The following ARID1A variants were observed in gnomAD, a reference collection of about 807,000 sequenced individuals.
ARID1A encodes the protein AT-rich interactive domain-containing protein 1A.
In ARID1A, 20 loss-of-function variants were observed where a neutral mutation model predicts 212.6. The ratio of observed to expected loss-of-function variants is 0.09; its 90% CI spans 0.07 to 0.14. The LOEUF is 0.14. Ranked by LOEUF, ARID1A falls within the 10% of genes least tolerant of loss-of-function variation. The probability of loss-of-function intolerance (pLI) is 1.00; values close to 1 mark genes in which losing one functional copy is unlikely to be tolerated. For missense variants in ARID1A, 2,587 were observed against 3,059.0 expected (o/e 0.85, Z 3.64); for synonymous variants, 1,376 against 1,222.1 (o/e 1.13, Z -2.63).
chr1:26,731,744 C>T (rs2080680381), intron 3 of ARID1A, 140 bp downstream of exon 3: 1 of 918,692 alleles, frequency 1.1e-6, no homozygotes, highest in South Asian at 1.7e-5. Flanking sequence ...AACATGATAA[C>T]TGGATTGATT....
At chr1:26,769,281 T>C (rs1023010903) in intron 11 of ARID1A, 1 of 152,280 alleles carries the variant, frequency 6.6e-6, no homozygotes, top group African/African-American at 2.4e-5. Flanking sequence ...TGCCTGAGCC[T>C]GTCTTCCAGA....
At chr1:26,763,567 C>G (rs2081012297) in intron 8 of ARID1A, among the ~76,000 whole-genome samples, 1 of 152,168 alleles carries the variant, frequency 6.6e-6, no homozygotes, top group Non-Finnish European at 1.5e-5. Context: ...GGTCAGAAAT[C>G]AAGACCAGCC....
intron 1 of ARID1A, chr1:26,729,415 T>TTTAGC (rs1227424450): frequency 1.9e-6 from 1 of 538,150 alleles, no homozygotes; most frequent in Non-Finnish European, 3.4e-6. Context: ...CAAAGTAGTT[T>TTTAGC]TTAGCTTACA....
intron 13 of ARID1A, 55 bp downstream of exon 13, chr1:26,772,687 G>A (rs753400187): frequency 2.5e-5 from 40 of 1,613,332 alleles, no homozygotes; most frequent in Non-Finnish European, 3.3e-5. Flanking sequence ...ATAAGTGCAT[G>A]GGAACTCCTT....
intron 4 of ARID1A, among the ~76,000 whole-genome samples, chr1:26,744,391 C>T (rs879639966): frequency 6.6e-6 from 1 of 152,204 alleles, no homozygotes; most frequent in Non-Finnish European, 1.5e-5. Context: ...TCGGAACAGC[C>T]TCAATCTTTG....
chr1:26,740,137 T>C (rs2080774130), intron 4 of ARID1A, among the ~76,000 whole-genome samples: 1 of 152,204 alleles, frequency 6.6e-6, no homozygotes, highest in Admixed American at 6.5e-5. Context: ...TGTAGGTAAG[T>C]TTCCTGTCCC....
intron 4 of ARID1A, among the ~76,000 whole-genome samples, chr1:26,756,572 A>C (rs916441023): frequency 2.6e-5 from 4 of 151,570 alleles, no homozygotes; most frequent in African/African-American, 4.8e-5. Context: ...TTTAAAAAAA[A>C]AAAAAACAAA....
chr1:26,748,344 G>A (rs1344095352), intron 4 of ARID1A, among the ~76,000 whole-genome samples: 4 of 152,100 alleles, frequency 2.6e-5, no homozygotes, highest in Non-Finnish European at 5.9e-5. Context: ...TGCTTTCTGT[G>A]TTCCTTTCCT....
chr1:26,728,172 A>G (rs1431870891), intron 1 of ARID1A, among the ~76,000 whole-genome samples: 1 of 152,204 alleles, frequency 6.6e-6, no homozygotes, highest in East Asian at 1.9e-4. Context: ...GTTTAGAAAC[A>G]TGGGGGAGGA....
chr1:26,782,053 TTATACTA>T lies in ARID1A; in HGVS notation c.*1301_*1307del, dbSNP rs964802993. ...ATATCATTTATTCAGTATGAAATCT[TTATACTA>T]TATGTTCCACGTGTTAAGAATAAAT... On this transcript the variant is annotated 3_prime_UTR_variant, in exon 20 of 20. Transcript: ENST00000324856. 2 of 230,496 alleles carry T rather than the reference TTATACTA, an allele frequency of 8.7e-6. No homozygotes were observed. The highest frequency in any genetic ancestry group is 5.7e-5 in the Admixed American group (1 of 17,692). 14.3% of individuals were successfully genotyped at this position (230,496 alleles called of 1,614,324 possible). A position where few individuals can be genotyped will look rare whatever the true frequency, so the allele number is the denominator to read the frequency against.
intron 4 of ARID1A, among the ~76,000 whole-genome samples, chr1:26,747,699 A>AT (rs2080850702): frequency 6.6e-6 from 1 of 151,542 alleles, no homozygotes; most frequent in Non-Finnish European, 1.5e-5. Flanking sequence ...AAAAAAAAAA[A>AT]AATAGTTGGC....
In ARID1A at chr1:26,747,868, T is replaced by C. The variant is rs141180766; in HGVS notation, c.1921-12988T>C. On this transcript the variant is annotated intron_variant, in intron 4 of 19. Coordinates refer to ENST00000324856, the MANE Select transcript of ARID1A (RefSeq NM_006015.6). Reference sequence around the variant, plus strand: ...CTATCTGAAAAACAAACAAATAATATAGGTCAATGTTCAGAGGAACCATTA... The same window carrying C: ...CTATCTGAAAAACAAACAAATAATACAGGTCAATGTTCAGAGGAACCATTA... Among the ~76,000 whole-genome samples the C allele has an allele frequency of 2.0e-3, 308 of 152,036 alleles. 3 individuals are homozygous for C. Among genetic ancestry groups the C allele is most frequent in the Middle Eastern group, 0.017 (5 of 294 alleles).
rs766687625 is a variant in ARID1A, at chr1:26,731,144, T to C, written c.1351-8T>C. The C allele has an allele frequency of 1.9e-6, 3 of 1,611,640 alleles. No individual in the cohort carries two copies. Among genetic ancestry groups the C allele is most frequent in the Middle Eastern group, 1.7e-4 (1 of 6,052 alleles). The stretch of plus-strand genomic sequence containing the variant: ...TCAGTGCTAAAAGTATATTTTCCTT[T>C]CCTACAGATTCCTCCTTATGGACAA... On this transcript the variant is annotated splice_polypyrimidine_tract_variant and splice_region_variant and intron_variant, in intron 2 of 19. Transcript: ENST00000324856.
intron 1 of ARID1A, among the ~76,000 whole-genome samples, chr1:26,723,047 G>GA (rs1369173479): frequency 1.3e-5 from 2 of 152,148 alleles, no homozygotes; most frequent in Non-Finnish European, 2.9e-5. Flanking sequence ...AGGGGTTCTT[G>GA]ACTAGTCTTC....
At chr1:26,702,294 C>T (rs2080338793) in intron 1 of ARID1A, among the ~76,000 whole-genome samples, 1 of 152,180 alleles carries the variant, frequency 6.6e-6, no homozygotes, top group South Asian at 2.1e-4. Context: ...GTGCTTTGCA[C>T]GTGGTCCTGG....
In ARID1A at chr1:26,731,161, T is replaced by C; in HGVS notation, c.1360T>C (p.Tyr454His). Residue 454 changes from tyrosine to histidine, a missense_variant, in exon 3 of 20, where the codon TAT becomes CAT. By Grantham distance (83) the Tyr-to-His change is moderately conservative. Coordinates refer to ENST00000324856, the MANE Select transcript of ARID1A (RefSeq NM_006015.6). ...GLSYTQQIPPYGQQGPSGYGQ... is the reference protein window; with the variant it reads ...GLSYTQQIPPHGQQGPSGYGQ... ...TTTTCCTTTCCTACAGATTCCTCCTTATGGACAACAAGGCCCCAGCGGGTA... is the reference window on the plus strand; with the variant it reads ...TTTTCCTTTCCTACAGATTCCTCCTCATGGACAACAAGGCCCCAGCGGGTA... The C allele has an allele frequency of 6.2e-7, 1 of 1,613,794 alleles. No homozygotes were observed. Among genetic ancestry groups the C allele is most frequent in the Non-Finnish European group, 8.5e-7 (1 of 1,179,780 alleles).
In ARID1A at chr1:26,697,144, C is replaced by G; in HGVS notation, c.741C>G (p.Ala247=). The stretch of plus-strand genomic sequence containing the variant: ...CGGGCTCCGGCGCGGCGGCGGCTGC[C>G]GGCTCCAAGCCGCCTCCCTCCTCCA... ...GTPGSGAAAA[A]GSKPPPSSSA... Residue 247 remains alanine (A), a synonymous_variant, in exon 1 of 20, where the codon GCC becomes GCG. Transcript: ENST00000324856. The G allele has an allele frequency of 1.4e-6, 2 of 1,439,118 alleles. No homozygotes were observed. The highest frequency in any genetic ancestry group is 1.8e-6 in the Non-Finnish European group (2 of 1,099,512). The allele number at this position is 1,439,118 out of a possible 1,614,324, so 89.1% of individuals were successfully genotyped here.
intron 4 of ARID1A, among the ~76,000 whole-genome samples, chr1:26,733,889 C>T (rs1056314926): frequency 5.3e-5 from 8 of 152,272 alleles, no homozygotes; most frequent in South Asian, 4.1e-4. Flanking sequence ...AGGCAGAAGG[C>T]GGGAACTCTC....
Position 26,775,024 on chromosome 1 carries a change from C to G in ARID1A, c.4797C>G (p.Thr1599=), listed in dbSNP as rs923351807. 1 of 1,602,852 alleles carries G rather than the reference C, an allele frequency of 6.2e-7. No individual in the cohort carries two copies. The highest frequency in any genetic ancestry group is 2.2e-5 in the East Asian group (1 of 44,736). ...TGCCCCGGCCAATGGAGAACCGCAC[C>G]TCTCCTAGCAAGTCTCCATTCCTGC... ...APLPRPMENR[T]SPSKSPFLHS... is the part of the protein sequence containing the mutation. The change falls in exon 18 of 20, where the codon ACC becomes ACG. Residue 1599 remains threonine (T), a synonymous_variant. Transcript: ENST00000324856.
Sources: allele counts gnomAD v4.1 joint callset (sites outside exome capture counted in the v4.1 genomes callset), GRCh38; gene constraint gnomAD v4.1.1; transcripts MANE v1.5; gene names NCBI Gene and HGNC (gene_info 2026-07-23, HGNC 2026-07-21).